The following LGSN variants were observed in gnomAD, a reference collection of about 807,000 sequenced individuals.
LGSN encodes the protein lengsin.
A neutral mutation model predicts 19.5 loss-of-function variants in LGSN; 21 were observed. That is an observed-to-expected ratio of 1.07 (90% CI 0.76 to 1.55). LGSN has a LOEUF of 1.55. Among genes scored for constraint, LGSN ranks in the 40% most tolerant of loss-of-function variants. The probability of loss-of-function intolerance (pLI) is 0.00; values close to 1 mark genes in which losing one functional copy is unlikely to be tolerated. For synonymous variants in LGSN, 257 were observed against 215.6 expected (o/e 1.19, Z -1.68); for missense variants, 673 against 608.5 (o/e 1.11, Z -1.12).
intron 1 of LGSN, among the ~76,000 whole-genome samples, chr6:63,296,244 T>C (rs1293669862): frequency 6.6e-6 from 1 of 152,002 alleles, no homozygotes; most frequent in African/African-American, 2.4e-5. Context: ...TATTAGAAAA[T>C]TGTGGTCTTT....
the LGSN span, among the ~76,000 whole-genome samples, chr6:63,344,453 C>A: frequency 5.5e-3 from 838 of 152,262 alleles, 3 homozygotes; most frequent in South Asian, 0.02. Context: ...AGAAGATGTG[C>A]TCCTCTACAA....
the LGSN span, among the ~76,000 whole-genome samples, chr6:63,523,005 C>T: frequency 6.6e-6 from 1 of 151,964 alleles, no homozygotes; most frequent in Admixed American, 6.6e-5. Flanking sequence ...GCTGGGACTA[C>T]AGGCATGTGC....
At chr6:63,511,894 T>C in the LGSN span, among the ~76,000 whole-genome samples, 1 of 152,178 alleles carries the variant, frequency 6.6e-6, no homozygotes, top group African/African-American at 2.4e-5. Flanking sequence ...CTATTTATGA[T>C]GTTCTTGGCT....
At chr6:63,519,095 G>T in the LGSN span, among the ~76,000 whole-genome samples, 8 of 152,234 alleles carry the variant, frequency 5.3e-5, no homozygotes, top group Admixed American at 6.5e-5. Flanking sequence ...CGGGCAGATC[G>T]CCTGAAGTTC....
rs35296992 is a variant in LGSN at position 63,280,743 on chromosome 6, A to G, written c.808T>C (p.Phe270Leu). 21,199 of 1,614,156 alleles carry G rather than the reference A, an allele frequency of 0.013. 170 individuals carry two copies. The highest frequency in any genetic ancestry group is 0.015 in the Non-Finnish European group (17,593 of 1,180,014). ...STRPGQMEIS[F>L]LPEFGISSAD... is the part of the protein sequence containing the mutation. Reference sequence around the variant, plus strand: ...GAGCTAATGCCAAATTCAGGCAGGAAAGAGATTTCCATCTGACCAGGCCTG... The same window carrying G: ...GAGCTAATGCCAAATTCAGGCAGGAGAGAGATTTCCATCTGACCAGGCCTG... Residue 270 changes from phenylalanine to leucine, a missense_variant, in exon 4 of 4, where the codon TTC (phenylalanine) becomes CTC (leucine). Transcript: ENST00000370657.
the LGSN span, among the ~76,000 whole-genome samples, chr6:63,499,030 C>T: frequency 6.6e-6 from 1 of 152,068 alleles, no homozygotes; most frequent in Non-Finnish European, 1.5e-5. Flanking sequence ...ATCCTACATT[C>T]TTTAGGAATT....
the LGSN span, among the ~76,000 whole-genome samples, chr6:63,499,228 A>C: frequency 5.7e-3 from 871 of 152,210 alleles, 13 homozygotes; most frequent in African/African-American, 0.019. Flanking sequence ...TTTTTACATT[A>C]ATGTGTGGAC....
the LGSN span, among the ~76,000 whole-genome samples, chr6:63,559,395 A>C: frequency 2.6e-5 from 4 of 152,172 alleles, no homozygotes; most frequent in Non-Finnish European, 5.9e-5. Flanking sequence ...TTTCACAGTG[A>C]ACACTAAATA....
chr6:63,555,348 A>G, the LGSN span, among the ~76,000 whole-genome samples: 2 of 152,236 alleles, frequency 1.3e-5, no homozygotes, highest in Non-Finnish European at 2.9e-5. Flanking sequence ...TAATAATTCA[A>G]TATTGTTGTC....
At chr6:63,513,782 G>A in the LGSN span, among the ~76,000 whole-genome samples, 1 of 151,564 alleles carries the variant, frequency 6.6e-6, no homozygotes, top group Non-Finnish European at 1.5e-5. Flanking sequence ...GTGGAGGCGG[G>A]TGCCTGTAAT....
chr6:63,332,166 G>A, the LGSN span, among the ~76,000 whole-genome samples: 1,385 of 152,206 alleles, frequency 9.1e-3, 23 homozygotes, highest in African/African-American at 0.032. Flanking sequence ...CAGGGCTTTG[G>A]GCAAAAATTG....
At chr6:63,529,076 C>T in the LGSN span, among the ~76,000 whole-genome samples, 7 of 143,746 alleles carry the variant, frequency 4.9e-5, no homozygotes, top group Admixed American at 2.1e-4. Context: ...GCAACAAGAG[C>T]GAAACTCCAT....
At chr6:63,324,495 A>G (rs1192977972), upstream of LGSN, among the ~76,000 whole-genome samples, 1 of 152,240 alleles carries the variant, frequency 6.6e-6, no homozygotes, top group Non-Finnish European at 1.5e-5. Flanking sequence ...AATATTCTCC[A>G]GGACAGACTA....
the LGSN span, among the ~76,000 whole-genome samples, chr6:63,376,013 A>G: frequency 1.9e-4 from 29 of 152,260 alleles, no homozygotes; most frequent in African/African-American, 6.5e-4. Context: ...CACAAATTAA[A>G]TATAATAGTA....
chr6:63,572,108 G>A, the LGSN span: 2 of 152,232 alleles, frequency 1.3e-5, no homozygotes, highest in Non-Finnish European at 2.9e-5. Flanking sequence ...GGCAAACTTC[G>A]AGTCTCCTCA....
chr6:63,470,929 CTTT>C, the LGSN span, among the ~76,000 whole-genome samples: 2 of 123,732 alleles, frequency 1.6e-5, no homozygotes. Flanking sequence ...CAGATTCAGT[CTTT>C]CTTTTTTTTT....
chr6:63,427,085 T>C, the LGSN span, among the ~76,000 whole-genome samples: 3 of 151,236 alleles, frequency 2.0e-5, no homozygotes, highest in African/African-American at 4.9e-5. Flanking sequence ...TTTCTGTTCT[T>C]GTTACCCAGG....
the LGSN span, among the ~76,000 whole-genome samples, chr6:63,426,433 G>A: frequency 2.6e-5 from 4 of 152,084 alleles, no homozygotes; most frequent in African/African-American, 9.7e-5. Flanking sequence ...ACACACAAAC[G>A]AAGTGTTTGC....
chr6:63,386,895 G>A, the LGSN span, among the ~76,000 whole-genome samples: 26 of 152,246 alleles, frequency 1.7e-4, no homozygotes, highest in Admixed American at 9.2e-4. Flanking sequence ...GAGGACAGGA[G>A]CTCAAGACCA....
Sources: gnomAD v4.1 joint callset for allele counts (sites outside exome capture counted in the v4.1 genomes callset) on GRCh38, gnomAD v4.1.1 for gene constraint, MANE v1.5 for transcripts, NCBI Gene and HGNC (gene_info 2026-07-23, HGNC 2026-07-21) for gene names.